Variants in RGS6 observed in about 807,000 individuals in gnomAD.
RGS6 encodes the protein regulator of G-protein signaling 6.
Under a neutral mutation model 78.5 loss-of-function variants are expected in RGS6, and 30 were observed. That is an observed-to-expected ratio of 0.38 (90% CI 0.29 to 0.52). The LOEUF (loss-of-function observed/expected upper bound fraction) is 0.52. RGS6 is among the 20% of genes least tolerant of loss of function. The pLI, the probability that RGS6 is intolerant of heterozygous loss-of-function variation, is 0.85. For synonymous variants in RGS6, 206 were observed against 206.0 expected, an observed-to-expected ratio of 1.00 and a Z score of 0.00; for missense variants, 495 against 609.7, an observed-to-expected ratio of 0.81 and a Z score of 1.98.
rs1231531810 is a variant in RGS6, at chr14:72,351,559, G to A, written c.85-536G>A. The stretch of plus-strand genomic sequence containing the variant: ...CCTGTTTTCCAACTTCTTCAGATCA[G>A]AGCTTTCCATATCTGGTTTTTCTCT... On this transcript the variant is annotated intron_variant, in intron 2 of 17. Transcript: ENST00000553525. Among the ~76,000 whole-genome samples the A allele has an allele frequency of 4.6e-5, 7 of 152,056 alleles. No homozygotes were observed. The East Asian group carries it at 5.8e-4, about 13-fold the overall frequency.
At chr14:72,117,500 G>C (rs1036264408) in intron 2 of RGS6, among the ~76,000 whole-genome samples, 3 of 151,988 alleles carry the variant, frequency 2.0e-5, no homozygotes, top group Non-Finnish European at 4.4e-5. Flanking sequence ...TATTGGCACC[G>C]TGCTTTGTGT....
At chr14:72,014,031 T>G (rs551125063) in intron 2 of RGS6, among the ~76,000 whole-genome samples, 1 of 152,354 alleles carries the variant, frequency 6.6e-6, no homozygotes, top group African/African-American at 2.4e-5. Context: ...TTTCCCATTT[T>G]CTGAGAAAAA....
rs1051067270 is a variant in RGS6 at position 72,324,849 on chromosome 14, A to G, written c.85-27246A>G. ...ATGTGTCTTTATAGCAGCATGATTT[A>G]TAATCCTTTGGGTATATATCCAGTA... On this transcript the variant is annotated intron_variant, in intron 2 of 17. Transcript: ENST00000553525. 4.6e-5 allele frequency among the ~76,000 whole-genome samples: 7 copies of G among 152,306 alleles called. No homozygotes were observed. In the South Asian group the frequency reaches 1.2e-3, roughly 27 times the overall value.
chr14:71,971,578 G>A (rs950708711), intron 2 of RGS6, among the ~76,000 whole-genome samples: 7 of 152,164 alleles, frequency 4.6e-5, no homozygotes, highest in Non-Finnish European at 8.8e-5. Flanking sequence ...GCTGTGTAAC[G>A]AGTTATCTCA....
At chr14:71,938,025 GGCCACTT>G (rs2089826079) in intron 1 of RGS6, among the ~76,000 whole-genome samples, 1 of 152,164 alleles carries the variant, frequency 6.6e-6, no homozygotes, top group Non-Finnish European at 1.5e-5. Context: ...CTGCCACCAT[GGCCACTT>G]TGTTCATGGG....
chr14:72,250,718 A>G lies in RGS6; in HGVS notation c.85-101377A>G, dbSNP rs116753375. 2.1e-3 allele frequency among the ~76,000 whole-genome samples: 326 copies of G among 152,346 alleles called. 2 individuals carry two copies. The highest frequency in any genetic ancestry group is 7.4e-3 in the African/African-American group (307 of 41,592). ...TCTTTAAAATTTTGACAAGGTGATT[A>G]TGAAACACAATGAGAATTAAGAATG... On this transcript the variant is annotated intron_variant, in intron 2 of 17. Transcript: ENST00000553525.
At chr14:72,528,656 G>A (rs1399410591) in intron 15 of RGS6, among the ~76,000 whole-genome samples, 1 of 152,142 alleles carries the variant, frequency 6.6e-6, no homozygotes, top group African/African-American at 2.4e-5. Context: ...AAAGACGGAG[G>A]GAGAGAGGAA....
intron 13 of RGS6, among the ~76,000 whole-genome samples, chr14:72,504,547 C>T (rs2096770842): frequency 6.6e-6 from 1 of 152,210 alleles, no homozygotes; most frequent in African/African-American, 2.4e-5. Flanking sequence ...TAAAACTCAT[C>T]AGAATGGCCT....
intron 2 of RGS6, among the ~76,000 whole-genome samples, chr14:72,101,721 A>G (rs1263642904): frequency 6.6e-6 from 1 of 152,166 alleles, no homozygotes; most frequent in Non-Finnish European, 1.5e-5. Context: ...TATGGACTGA[A>G]TTGTGTATCT....
intron 2 of RGS6, among the ~76,000 whole-genome samples, chr14:72,014,329 T>C (rs2086503444): frequency 6.6e-6 from 1 of 152,236 alleles, no homozygotes; most frequent in South Asian, 2.1e-4. Context: ...TTGGGATAGA[T>C]AGAACTCTTT....
chr14:72,289,791 G>A (rs1385601235), intron 2 of RGS6, among the ~76,000 whole-genome samples: 1 of 152,146 alleles, frequency 6.6e-6, no homozygotes, highest in Non-Finnish European at 1.5e-5. Flanking sequence ...CTTAAATAGA[G>A]TACATTATCT....
chr14:72,336,651 A>G (rs892160980), intron 2 of RGS6, among the ~76,000 whole-genome samples: 6 of 152,206 alleles, frequency 3.9e-5, no homozygotes, highest in East Asian at 3.8e-4. Flanking sequence ...AATAATTTCT[A>G]TGATCTGCAA....
chr14:72,526,397 G>A (rs939779742), intron 15 of RGS6, among the ~76,000 whole-genome samples: 2 of 152,144 alleles, frequency 1.3e-5, no homozygotes, highest in Non-Finnish European at 2.9e-5. Context: ...GAGCCACTGC[G>A]CCTGGCCAGG....
chr14:72,478,199 G>A, intron 11 of RGS6, 69 bp from the exon 12 acceptor site: 5 of 1,131,010 alleles, frequency 4.4e-6, no homozygotes, highest in Non-Finnish European at 6.6e-6. Context: ...GCAGGATTTG[G>A]GTTTGTGGAG....
intron 2 of RGS6, among the ~76,000 whole-genome samples, chr14:72,193,200 G>T (rs1403191416): frequency 1.3e-5 from 2 of 152,126 alleles, no homozygotes. Flanking sequence ...CGCCATGTTG[G>T]CCAGGCTGGT....
At chr14:72,383,453 A>G (rs2086870164) in intron 3 of RGS6, among the ~76,000 whole-genome samples, 1 of 151,884 alleles carries the variant, frequency 6.6e-6, no homozygotes, top group African/African-American at 2.4e-5. Flanking sequence ...AGACTGTATT[A>G]TTTTGGGTGT....
chr14:71,900,856 T>C, the RGS6 span, among the ~76,000 whole-genome samples: 1 of 152,192 alleles, frequency 6.6e-6, no homozygotes, highest in South Asian at 2.1e-4. Context: ...TCAGGAAGCT[T>C]ACAGTCATGG....
chr14:72,002,988 A>G (rs2083776925), intron 2 of RGS6, among the ~76,000 whole-genome samples: 1 of 152,218 alleles, frequency 6.6e-6, no homozygotes, highest in Admixed American at 6.5e-5. Context: ...GGCCCAAGAA[A>G]CTGCTTATTC....
At chr14:72,599,404 T>TTTTTTTG in the RGS6 span, among the ~76,000 whole-genome samples, 1 of 108,722 alleles carries the variant, frequency 9.2e-6, no homozygotes, top group Admixed American at 9.3e-5. Flanking sequence ...TTTTTTTTTT[T>TTTTTTTG]TTTTTTTTTT....
Sources: allele counts gnomAD v4.1 joint callset (sites outside exome capture counted in the v4.1 genomes callset), GRCh38; gene constraint gnomAD v4.1.1; transcripts MANE v1.5; gene names NCBI Gene and HGNC (gene_info 2026-07-23, HGNC 2026-07-21).